The following GABRB3 variants were observed in gnomAD, a reference collection of about 807,000 sequenced individuals.
GABRB3 encodes gamma-aminobutyric acid type A receptor subunit beta3, also known as gamma-aminobutyric acid receptor subunit beta-3.
In GABRB3, 14 loss-of-function variants were observed where a neutral mutation model predicts 52.1. The ratio of observed to expected loss-of-function variants is 0.27; its 90% CI spans 0.18 to 0.42. GABRB3 has a LOEUF of 0.42. GABRB3 is among the 10% of genes least tolerant of loss of function. The pLI, the probability that GABRB3 is intolerant of heterozygous loss-of-function variation, is 1.00. For synonymous variants in GABRB3, 260 were observed against 232.3 expected (o/e 1.12, Z -1.08); for missense variants, 307 against 609.1 (o/e 0.50, Z 5.22).
rs1595428003 is a variant in GABRB3, at chr15:26,547,277, A to G, written c.*516T>C. The G allele has an allele frequency of 2.4e-5, 9 of 367,834 alleles. No individual in the cohort carries two copies. In the East Asian group the frequency reaches 3.6e-4, roughly 15 times the overall value. The allele number at this position is 367,834 out of a possible 1,614,324, so 22.8% of individuals were successfully genotyped here. The stretch of plus-strand genomic sequence containing the variant: ...TGCTTACTAAACTGAACGAGAGGAT[A>G]TGAAGTAAGTGACTCATTTTAAACT... On this transcript the variant is annotated 3_prime_UTR_variant, in exon 9 of 9. Transcript: ENST00000311550.
At chr15:26,599,784 GCT>G (rs1457754012) in intron 4 of GABRB3, among the ~76,000 whole-genome samples, 1 of 152,120 alleles carries the variant, frequency 6.6e-6, no homozygotes, top group Non-Finnish European at 1.5e-5. Context: ...CAGAAGAAGA[GCT>G]ATCTCCTCAA....
intron 3 of GABRB3, chr15:26,624,188 C>CTGTGAATAT: frequency 1.0e-6 from 1 of 984,976 alleles, no homozygotes. Context: ...GGGCATATTC[C>CTGTGAATAT]GCCCCTTCAT....
At chr15:26,617,189 C>A (rs1210994499) in intron 4 of GABRB3, among the ~76,000 whole-genome samples, 1 of 152,096 alleles carries the variant, frequency 6.6e-6, no homozygotes, top group Non-Finnish European at 1.5e-5. Context: ...TGAAACTATT[C>A]CAATCAATAG....
At chr15:26,760,809 G>GCGCACA (rs371524450) in intron 3 of GABRB3, among the ~76,000 whole-genome samples, 23 of 149,286 alleles carry the variant, frequency 1.5e-4, no homozygotes, top group African/African-American at 5.2e-4. Flanking sequence ...ACACGCGCAC[G>GCGCACA]CACACACACA....
chr15:26,605,574 G>T (rs1223920366), intron 4 of GABRB3, among the ~76,000 whole-genome samples: 1 of 152,130 alleles, frequency 6.6e-6, no homozygotes, highest in East Asian at 1.9e-4. Context: ...TGGAGTACTT[G>T]TGTATAAGTC....
chr15:26,667,380 C>CT (rs1887749467), intron 3 of GABRB3, among the ~76,000 whole-genome samples: 2 of 152,144 alleles, frequency 1.3e-5, no homozygotes, highest in African/African-American at 4.8e-5. Context: ...CCCCTTTCAT[C>CT]TTAACTGCTC....
In GABRB3 at chr15:26,673,749, T is replaced by G. The variant is rs115959435; in HGVS notation, c.241-52215A>C. ...TGCCACTCTTCACGGCAGATGCCCA[T>G]CACGCATAAATCTAGAAATGCACCA... is the stretch of plus-strand genomic sequence containing the variant. On this transcript the variant is annotated intron_variant, in intron 3 of 8. Transcript: ENST00000311550. Among the ~76,000 whole-genome samples the G allele has an allele frequency of 3.3e-5, 5 of 152,136 alleles. No homozygotes were observed. In the South Asian group the frequency reaches 1.0e-3, roughly 32 times the overall value.
intron 3 of GABRB3, among the ~76,000 whole-genome samples, chr15:26,732,288 G>A (rs1427921203): frequency 7.0e-6 from 1 of 142,098 alleles, no homozygotes; most frequent in Non-Finnish European, 1.5e-5. Context: ...ATAGATGGAT[G>A]GATAGATGGA....
At chr15:26,622,671 A>G (rs1440783001) in intron 3 of GABRB3, among the ~76,000 whole-genome samples, 6 of 152,140 alleles carry the variant, frequency 3.9e-5, no homozygotes, top group African/African-American at 1.2e-4. Context: ...CAACCCCTCC[A>G]GTATTCTTTT....
chr15:26,699,344 C>T (rs911395046), intron 3 of GABRB3, among the ~76,000 whole-genome samples: 3 of 152,010 alleles, frequency 2.0e-5, no homozygotes, highest in Admixed American at 6.6e-5. Flanking sequence ...TGTCAAAGAA[C>T]AAAGCGCAAG....
intron 3 of GABRB3, among the ~76,000 whole-genome samples, chr15:26,709,344 C>G (rs1475744998): frequency 6.6e-6 from 1 of 151,972 alleles, no homozygotes; most frequent in Non-Finnish European, 1.5e-5. Context: ...GCCCGTACCC[C>G]CTACCTCCCC....
intron 4 of GABRB3, among the ~76,000 whole-genome samples, chr15:26,591,451 G>A (rs1043717225): frequency 6.6e-6 from 1 of 152,280 alleles, no homozygotes; most frequent in East Asian, 1.9e-4. Flanking sequence ...TAATTTTGGT[G>A]AATGAGTAGT....
intron 4 of GABRB3, chr15:26,615,358 C>T (rs1232227404): frequency 1.0e-6 from 1 of 985,532 alleles, no homozygotes; most frequent in African/African-American, 1.7e-5. Flanking sequence ...GCATTCTCTC[C>T]CATCACATGC....
chr15:26,721,056 C>T (rs748587597), intron 3 of GABRB3, among the ~76,000 whole-genome samples: 1 of 152,104 alleles, frequency 6.6e-6, no homozygotes, highest in Non-Finnish European at 1.5e-5. Context: ...CTCCTCCATC[C>T]GCCCAGGGGT....
At position 26,595,454 on chromosome 15, in the gene GABRB3, T is replaced by C. The variant is rs575901966; in HGVS notation, c.462-12040A>G. ...AGTGAAAAATGCCACAAAACTTTCC[T>C]ATTGTTTTTAATATAGCTTTTTTCT... On this transcript the variant is annotated intron_variant, in intron 4 of 8. Coordinates refer to ENST00000311550, the MANE Select transcript of GABRB3 (RefSeq NM_000814.6). 9.9e-5 allele frequency among the ~76,000 whole-genome samples: 15 copies of C among 152,174 alleles called. 1 individual carries two copies. The highest frequency in any genetic ancestry group is 2.2e-4 in the Non-Finnish European group (15 of 68,026).
At position 26,580,573 on chromosome 15, in the gene GABRB3, T is replaced by C. The variant is rs542674772; in HGVS notation, c.545-117A>G. ...CTGCTATGTTTTGAGTAGATTTGCTTAATGTGCTTGTCTAGGGGAAGTGTC... is the reference window on the plus strand; with the variant it reads ...CTGCTATGTTTTGAGTAGATTTGCTCAATGTGCTTGTCTAGGGGAAGTGTC... On this transcript the variant is annotated intron_variant, in intron 5 of 8. Transcript: ENST00000311550. The C allele has an allele frequency of 5.5e-5, 72 of 1,302,796 alleles. 1 individual carries two copies. In the East Asian group the frequency reaches 1.5e-3, roughly 28 times the overall value. 80.7% of individuals were successfully genotyped at this position (1,302,796 alleles called of 1,614,324 possible). A position where few individuals can be genotyped will look rare whatever the true frequency, so the allele number is the denominator to read the frequency against.
intron 3 of GABRB3, among the ~76,000 whole-genome samples, chr15:26,740,556 T>G (rs573918251): frequency 1.3e-5 from 2 of 152,136 alleles, no homozygotes; most frequent in African/African-American, 4.8e-5. Context: ...GGGTCTGTCT[T>G]CTCTCCTCCT....
intron 3 of GABRB3, among the ~76,000 whole-genome samples, chr15:26,675,388 G>A (rs1031669167): frequency 2.0e-5 from 3 of 152,100 alleles, no homozygotes; most frequent in Non-Finnish European, 2.9e-5. Flanking sequence ...CCAGGAACCC[G>A]TTTAAAGACT....
At chr15:26,670,272 G>C (rs113034968) in intron 3 of GABRB3, among the ~76,000 whole-genome samples, 1 of 152,192 alleles carries the variant, frequency 6.6e-6, no homozygotes, top group African/African-American at 2.4e-5. Flanking sequence ...AGGGGCGGGA[G>C]AGGTAAGGGT....
Sources: gnomAD v4.1 joint callset for allele counts (sites outside exome capture counted in the v4.1 genomes callset) on GRCh38, gnomAD v4.1.1 for gene constraint, MANE v1.5 for transcripts, NCBI Gene and HGNC (gene_info 2026-07-23, HGNC 2026-07-21) for gene names.